The following EDNRA variants were observed in gnomAD, a reference collection of about 807,000 sequenced individuals.
EDNRA encodes endothelin-1 receptor.
A neutral mutation model predicts 41.4 loss-of-function variants in EDNRA; 11 were observed. That is an observed-to-expected ratio of 0.27 (90% confidence interval 0.17 to 0.44). EDNRA has a LOEUF of 0.44. EDNRA is among the 20% of genes least tolerant of loss of function. EDNRA has a pLI of 1.00. For synonymous variants in EDNRA, 172 were observed against 183.0 expected (o/e 0.94, Z 0.49); for missense variants, 294 against 531.0 (o/e 0.55, Z 4.39).
intron 2 of EDNRA, among the ~76,000 whole-genome samples, chr4:147,496,474 T>C (rs570891328): frequency 2.0e-4 from 30 of 152,368 alleles, no homozygotes; most frequent in African/African-American, 7.2e-4. Context: ...AAATGTAGCA[T>C]ACACATAGAA....
chr4:147,526,728 T>C (rs566550642), intron 3 of EDNRA, among the ~76,000 whole-genome samples: 74 of 152,302 alleles, frequency 4.9e-4, no homozygotes, highest in African/African-American at 1.6e-3. Flanking sequence ...GAGGATGGCT[T>C]GAAGTCAGGA....
intron 3 of EDNRA, among the ~76,000 whole-genome samples, chr4:147,522,551 A>G (rs984567868): frequency 6.6e-6 from 1 of 152,134 alleles, no homozygotes. Flanking sequence ...CTCAAAAAAA[A>G]AAAAAAATTA....
intron 2 of EDNRA, chr4:147,495,940 TA>T (rs1729286462): frequency 6.6e-6 from 1 of 152,220 alleles, no homozygotes; most frequent in Non-Finnish European, 1.5e-5. Flanking sequence ...CCTCAATTTT[TA>T]AAGATTTGCA....
chr4:147,535,504 A>G (rs1434487090), intron 4 of EDNRA, among the ~76,000 whole-genome samples: 1 of 152,252 alleles, frequency 6.6e-6, no homozygotes, highest in Non-Finnish European at 1.5e-5. Flanking sequence ...ATCCAGAAAT[A>G]AAGATAAACA....
chr4:147,484,090 G>A (rs761425505), intron 1 of EDNRA, among the ~76,000 whole-genome samples: 2 of 151,874 alleles, frequency 1.3e-5, no homozygotes, highest in African/African-American at 4.8e-5. Flanking sequence ...ACACACCACC[G>A]CATAAATCAG....
At chr4:147,493,751 A>T (rs1196237704) in intron 2 of EDNRA, 1 of 152,188 alleles carries the variant, frequency 6.6e-6, no homozygotes, top group African/African-American at 2.4e-5. Context: ...CTTATGTTTC[A>T]ATTTGAACAT....
rs747164622 is a variant in EDNRA at position 147,519,864 on chromosome 4, G to A, written c.434G>A (p.Arg145His). 19 of 1,612,988 alleles carry A rather than the reference G, an allele frequency of 1.2e-5. No individual in the cohort carries two copies. Among genetic ancestry groups the A allele is most frequent in the Middle Eastern group, 3.3e-4 (2 of 6,058 alleles). ...TCCTTCTTTCAGCTGCTGGCTGGGCGCTGGCCTTTTGATCACAATGACTTT... is the reference window on the plus strand; with the variant it reads ...TCCTTCTTTCAGCTGCTGGCTGGGCACTGGCCTTTTGATCACAATGACTTT... ...PINVFKLLAG[R>H]WPFDHNDFGV... Residue 145 changes from arginine (R) to histidine (H), a missense_variant, in exon 3 of 8, where the codon CGC (arginine) becomes CAC (histidine). Arg to His is a conservative substitution (Grantham distance 29). This residue lies in a region of EDNRA where 185 missense variants were observed against 390.8 expected (regional missense o/e 0.47). Coordinates refer to ENST00000651419, the MANE Select transcript of EDNRA (RefSeq NM_001957.4). The surrounding 1 kb of genome is among the most constrained non-coding windows in gnomAD (Gnocchi z 4.1).
intron 3 of EDNRA, among the ~76,000 whole-genome samples, chr4:147,521,839 A>C (rs906721449): frequency 6.6e-6 from 1 of 152,246 alleles, no homozygotes; most frequent in African/African-American, 2.4e-5. Flanking sequence ...TGAAAAAAGA[A>C]CAATGTGTCC....
chr4:147,539,671 T>G, intron 5 of EDNRA, 146 bp from the exon 6 acceptor site: 1 of 860,504 alleles, frequency 1.2e-6, no homozygotes, highest in Non-Finnish European at 1.8e-6. Flanking sequence ...CTTGAAGAGG[T>G]AGAGGCAGTG....
At chr4:147,502,117 GA>G (rs765349291) in intron 2 of EDNRA, among the ~76,000 whole-genome samples, 1 of 152,002 alleles carries the variant, frequency 6.6e-6, no homozygotes, top group Non-Finnish European at 1.5e-5. Flanking sequence ...AAAAAATGGT[GA>G]AAAAATAGGA....
chr4:147,483,648 C>G (rs1728846739), intron 1 of EDNRA, among the ~76,000 whole-genome samples: 1 of 151,978 alleles, frequency 6.6e-6, no homozygotes, highest in Non-Finnish European at 1.5e-5. Context: ...GTCAAAATTC[C>G]TAAAAGTGGT....
chr4:147,538,413 T>C (rs963131157), intron 5 of EDNRA, among the ~76,000 whole-genome samples: 2 of 152,166 alleles, frequency 1.3e-5, no homozygotes, highest in Non-Finnish European at 2.9e-5. Context: ...CCAGCTGCCT[T>C]AACAAATCAA....
At chr4:147,542,436 G>T (rs1203446300) in intron 7 of EDNRA, 42 bp from the exon 8 acceptor site, 1 of 1,612,604 alleles carries the variant, frequency 6.2e-7, no homozygotes, top group Admixed American at 1.7e-5. Flanking sequence ...CCGGGAATGG[G>T]CTGGTAGGCT....
At chr4:147,524,610 G>A (rs1005986458) in intron 3 of EDNRA, among the ~76,000 whole-genome samples, 3 of 152,108 alleles carry the variant, frequency 2.0e-5, no homozygotes, top group Non-Finnish European at 2.9e-5. Flanking sequence ...GTAGATCAAG[G>A]AAATGAACTA....
Position 147,539,969 on chromosome 4 carries a change from G to A in EDNRA, c.1034+19G>A, listed in dbSNP as rs10305924. ...TACTTAGGTATGATCCTGTGTACTC[G>A]CTAGAAAATTGGAGTTTCTCAGATT... On this transcript the variant is annotated intron_variant, in intron 6 of 7. Transcript: ENST00000651419. 3.3e-3 allele frequency: 5,182 copies of A among 1,560,856 alleles called. 9 individuals are homozygous for A. The highest frequency in any genetic ancestry group is 3.9e-3 in the Non-Finnish European group (4,563 of 1,160,858).
In EDNRA at chr4:147,542,747, T is replaced by C; in HGVS notation, c.*129T>C. The C allele has an allele frequency of 7.7e-7, 1 of 1,306,740 alleles. No individual in the cohort carries two copies. The highest frequency in any genetic ancestry group is 1.0e-6 in the Non-Finnish European group (1 of 975,280). 80.9% of individuals were successfully genotyped at this position (1,306,740 alleles called of 1,614,324 possible). ...ATTCACTCCCACACCCAAGAAGAAA[T>C]GCTTTCCAAAACCGCAAGGGTAGAC... is the stretch of plus-strand genomic sequence containing the variant. On this transcript the variant is annotated 3_prime_UTR_variant, in exon 8 of 8. Coordinates refer to ENST00000651419, the MANE Select transcript of EDNRA (RefSeq NM_001957.4).
chr4:147,517,439 T>C (rs1224505101), intron 2 of EDNRA, among the ~76,000 whole-genome samples: 17 of 152,156 alleles, frequency 1.1e-4, no homozygotes, highest in African/African-American at 3.6e-4. Context: ...GGAAGCCACA[T>C]GGAACCAGAG....
At chr4:147,518,837 T>A (rs1730212279) in intron 2 of EDNRA, among the ~76,000 whole-genome samples, 1 of 152,102 alleles carries the variant, frequency 6.6e-6, no homozygotes, top group African/African-American at 2.4e-5. Context: ...AAGCAAAAAA[T>A]TAGAAAGGAA....
chr4:147,505,326 C>CTTTTTTTTTTTTTTTTTTTTTTTTT (rs1729660192), intron 2 of EDNRA, among the ~76,000 whole-genome samples: 2 of 81,994 alleles, frequency 2.4e-5, no homozygotes, highest in African/African-American at 1.1e-4. Context: ...TTTCTTTTTT[C>CTTTTTTTTTTTTTTTTTTTTTTTTT]ATTTTTTTTT....
Sources: allele counts gnomAD v4.1 joint callset (sites outside exome capture counted in the v4.1 genomes callset), GRCh38; gene constraint gnomAD v4.1.1; regional missense constraint gnomAD v4.1.1; non-coding constraint Gnocchi (gnomAD v3.1); transcripts MANE v1.5; gene names NCBI Gene and HGNC (gene_info 2026-07-23, HGNC 2026-07-21).